MRTFA: variants seen among roughly 807,000 people sequenced by gnomAD.
The protein encoded by MRTFA is myocardin-related transcription factor A.
Under a neutral mutation model 83.5 loss-of-function variants are expected in MRTFA, and 20 were observed. The observed-to-expected ratio is 0.24, with a 90% CI of 0.17 to 0.35. The LOEUF (loss-of-function observed/expected upper bound fraction) is 0.35. Among genes scored for constraint, MRTFA ranks in the 10% least tolerant of loss-of-function variants. The pLI is 1.00. For synonymous variants in MRTFA, 659 were observed against 541.2 expected, an observed-to-expected ratio of 1.22 and a Z score of -3.02; for missense variants, 1,200 against 1,224.7, an observed-to-expected ratio of 0.98 and a Z score of 0.30.
At chr22:40,417,297 A>G (rs1371120573) in intron 13 of MRTFA, 44 bp downstream of exon 13, 1 of 1,590,106 alleles carries the variant, frequency 6.3e-7, no homozygotes, top group South Asian at 1.1e-5. Context: ...CCAGCAGCCT[A>G]GGGCAGCTGC....
At chr22:40,508,030 C>A (rs1051556627) in intron 3 of MRTFA, among the ~76,000 whole-genome samples, 2 of 125,486 alleles carry the variant, frequency 1.6e-5, no homozygotes, top group African/African-American at 6.0e-5. Context: ...GTACGTAGAA[C>A]AGTACCTGGG....
chr22:40,487,358 A>T (rs928245063), intron 3 of MRTFA, among the ~76,000 whole-genome samples: 30 of 152,214 alleles, frequency 2.0e-4, no homozygotes, highest in African/African-American at 7.2e-4. Flanking sequence ...CTACTTTCAT[A>T]CGTATCTCAT....
intron 3 of MRTFA, among the ~76,000 whole-genome samples, chr22:40,539,470 G>C (rs2055250364): frequency 7.0e-6 from 1 of 143,388 alleles, no homozygotes; most frequent in South Asian, 2.3e-4. Context: ...CTCCCAAGTA[G>C]CTGGACTACG....
intron 1 of MRTFA, among the ~76,000 whole-genome samples, chr22:40,628,638 A>G (rs2056606847): frequency 6.6e-6 from 1 of 151,612 alleles, no homozygotes; most frequent in Admixed American, 6.6e-5. Flanking sequence ...ATACCACAGA[A>G]GTAAAAATGT....
At chr22:40,533,523 G>T in intron 3 of MRTFA, 1 of 990,154 alleles carries the variant, frequency 1.0e-6, no homozygotes, top group Non-Finnish European at 1.3e-6. Context: ...TTTTAAAGAA[G>T]CCTGTGGCAA....
At chr22:40,577,007 G>C (rs2055876832) in intron 2 of MRTFA, among the ~76,000 whole-genome samples, 1 of 152,080 alleles carries the variant, frequency 6.6e-6, no homozygotes, top group South Asian at 2.1e-4. Context: ...AGGATAGCTT[G>C]AGCCCAGGAG....
rs372255666 is a variant in MRTFA, at chr22:40,420,882, G to C, written c.1146C>G (p.His382Gln). The C allele has an allele frequency of 9.3e-6, 15 of 1,613,800 alleles. No homozygotes were observed. Among genetic ancestry groups the C allele is most frequent in the Middle Eastern group, 1.6e-4 (1 of 6,062 alleles). Residue 382 changes from histidine to glutamine, a missense_variant, in exon 10 of 15, where the codon CAC (histidine) becomes CAG (glutamine). Coordinates refer to ENST00000355630, the MANE Select transcript of MRTFA (RefSeq NM_020831.6). ...CAGGCAGGATGGCCTGGTAGTTGTGGTGCTGCTGCTGCTGCTGGTTGAGGA... is the reference window on the plus strand; with the variant it reads ...CAGGCAGGATGGCCTGGTAGTTGTGCTGCTGCTGCTGCTGCTGGTTGAGGA...
intron 4 of MRTFA, among the ~76,000 whole-genome samples, chr22:40,442,109 A>G (rs1375249419): frequency 3.9e-5 from 6 of 152,178 alleles, no homozygotes; most frequent in Non-Finnish European, 8.8e-5. Flanking sequence ...TAGGATTCAC[A>G]AGCAGTTCTA....
intron 1 of MRTFA, among the ~76,000 whole-genome samples, chr22:40,599,843 G>A (rs988664218): frequency 4.0e-5 from 6 of 151,396 alleles, no homozygotes; most frequent in South Asian, 2.1e-4. Context: ...AGGCCGCAGC[G>A]AGCTATGATT....
intron 3 of MRTFA, among the ~76,000 whole-genome samples, chr22:40,521,358 TACAATAGGTA>T (rs2054862767): frequency 6.6e-6 from 1 of 152,198 alleles, no homozygotes; most frequent in Non-Finnish European, 1.5e-5. Flanking sequence ...AATAGAATCA[TACAATAGGTA>T]ACATTTTAGG....
Position 40,552,228 on chromosome 22 carries a change from G to C in MRTFA, c.119C>G (p.Pro40Arg), listed in dbSNP as rs1316973711. Residue 40 changes from proline (P) to arginine (R), a missense_variant, in exon 3 of 15, where the codon CCC becomes CGC. Physicochemically the swap from Pro to Arg is moderately radical, Grantham distance 103. Transcript: ENST00000355630. ...GGCAACAGCTTCACTCTGGGGACTG[G>C]GTGCCGCAGATAAGGACACGAGCAC... 2.5e-6 allele frequency: 1 copy of C among 398,910 alleles called. No homozygotes were observed. Among genetic ancestry groups the C allele is most frequent in the Non-Finnish European group, 4.4e-6 (1 of 226,096 alleles). 24.7% of individuals were successfully genotyped at this position (398,910 alleles called of 1,614,324 possible).
intron 1 of MRTFA, among the ~76,000 whole-genome samples, chr22:40,624,044 T>C (rs950206872): frequency 1.9e-4 from 29 of 151,992 alleles, no homozygotes; most frequent in African/African-American, 4.1e-4. Flanking sequence ...ATAAAGGCTG[T>C]AGTGAGCCAT....
At chr22:40,447,151 T>C (rs1348799828) in intron 4 of MRTFA, among the ~76,000 whole-genome samples, 3 of 151,552 alleles carry the variant, frequency 2.0e-5, no homozygotes, top group Non-Finnish European at 4.4e-5. Context: ...AGGTCAGAAG[T>C]TCAAGACCAG....
chr22:40,617,972 C>T lies in MRTFA; in HGVS notation c.-84+18506G>A, dbSNP rs145485805. Among the ~76,000 whole-genome samples, 83 of 151,938 alleles carry T rather than the reference C, an allele frequency of 5.5e-4. 1 individual carries two copies. In the East Asian group the frequency reaches 0.015, roughly 28 times the overall value. ...CAGACGATCATCTAGTGGGAAGAGACGGACAACAAACAGATGAATGTCAAG... is the reference window on the plus strand; with the variant it reads ...CAGACGATCATCTAGTGGGAAGAGATGGACAACAAACAGATGAATGTCAAG... On this transcript the variant is annotated intron_variant, in intron 1 of 14. Coordinates refer to ENST00000355630, the MANE Select transcript of MRTFA (RefSeq NM_020831.6).
chr22:40,536,224 G>A (rs2055170315), intron 3 of MRTFA, among the ~76,000 whole-genome samples: 1 of 151,814 alleles, frequency 6.6e-6, no homozygotes, highest in African/African-American at 2.4e-5. Context: ...GATCACTTGG[G>A]CCCAGGAGTT....
intron 1 of MRTFA, among the ~76,000 whole-genome samples, chr22:40,595,898 T>G (rs1412762970): frequency 5.4e-5 from 7 of 130,100 alleles, no homozygotes; most frequent in Non-Finnish European, 9.5e-5. Flanking sequence ...TGAGATAAGG[T>G]CTCACTCTGT....
At chr22:40,455,546 C>T (rs920404162) in intron 4 of MRTFA, among the ~76,000 whole-genome samples, 10 of 150,830 alleles carry the variant, frequency 6.6e-5, no homozygotes, top group South Asian at 6.3e-4. Flanking sequence ...CTCAGGAGGC[C>T]GAGGCAGGAG....
At chr22:40,628,654 TA>T (rs55678346) in intron 1 of MRTFA, among the ~76,000 whole-genome samples, 12,621 of 142,032 alleles carry the variant, frequency 0.089, 726 homozygotes, top group East Asian at 0.26. Flanking sequence ...AATGTGGAAG[TA>T]AAAAAAAAAA....
intron 2 of MRTFA, among the ~76,000 whole-genome samples, chr22:40,574,834 C>G (rs1339160902): frequency 6.6e-6 from 1 of 152,064 alleles, no homozygotes; most frequent in Non-Finnish European, 1.5e-5. Context: ...GACTTCAGCT[C>G]CATGGATTTT....
Sources: allele counts gnomAD v4.1 joint callset (sites outside exome capture counted in the v4.1 genomes callset), GRCh38; gene constraint gnomAD v4.1.1; transcripts MANE v1.5; gene names NCBI Gene and HGNC (gene_info 2026-07-23, HGNC 2026-07-21).